CYP2C19: variants seen among roughly 807,000 people sequenced by gnomAD.
CYP2C19 encodes the protein cytochrome P450 family 2 subfamily C member 19.
In CYP2C19, 59 loss-of-function variants were observed where a neutral mutation model predicts 40.9. The ratio of observed to expected loss-of-function variants is 1.44; its 90% CI spans 1.17 to 1.79. The LOEUF is 1.79. CYP2C19 is among the 40% of genes most tolerant of loss of function. CYP2C19 has a pLI of 0.00. For missense variants in CYP2C19, 754 were observed against 596.9 expected (o/e 1.26, Z -2.74); for synonymous variants, 253 against 208.7 (o/e 1.21, Z -1.83).
chr10:94,840,873 G>A (rs1400156259), intron 6 of CYP2C19, among the ~76,000 whole-genome samples: 1 of 152,196 alleles, frequency 6.6e-6, no homozygotes, highest in Non-Finnish European at 1.5e-5. Context: ...CAGTCTGGTG[G>A]CCACGCTAAT....
chr10:94,770,634 G>T (rs1282488735), intron 1 of CYP2C19, among the ~76,000 whole-genome samples: 5 of 152,096 alleles, frequency 3.3e-5, no homozygotes, highest in Non-Finnish European at 5.9e-5. Context: ...TATCTTTTAG[G>T]ATCAATTGAC....
At chr10:94,780,717 T>C in intron 4 of CYP2C19, 58 bp downstream of exon 4, 2 of 1,587,228 alleles carry the variant, frequency 1.3e-6, no homozygotes, top group African/African-American at 1.3e-5. Flanking sequence ...TTCTGGGAAA[T>C]CCAAAATTCT....
chr10:94,849,602 G>T (rs1222124604), intron 7 of CYP2C19, among the ~76,000 whole-genome samples: 2 of 149,488 alleles, frequency 1.3e-5, no homozygotes, highest in African/African-American at 2.5e-5. Context: ...TTTAGCATTA[G>T]GTATATCTCC....
chr10:94,799,375 G>A (rs753991712), intron 5 of CYP2C19, among the ~76,000 whole-genome samples: 26 of 152,216 alleles, frequency 1.7e-4, no homozygotes, highest in South Asian at 2.1e-4. Flanking sequence ...GAGAGGCACT[G>A]TTAGTCTGAT....
chr10:94,807,408 C>G (rs1848850021), intron 5 of CYP2C19, among the ~76,000 whole-genome samples: 2 of 152,042 alleles, frequency 1.3e-5, no homozygotes, highest in African/African-American at 2.4e-5. Context: ...TGGTTATATA[C>G]CCAAGAATGG....
rs553306322 is a variant in CYP2C19, at chr10:94,792,535, G to T, written c.819+10538G>T. On this transcript the variant is annotated intron_variant, in intron 5 of 8. Transcript: ENST00000371321. The stretch of plus-strand genomic sequence containing the variant: ...TTTAGCACCTCCTGCAGGAGCTCTT[G>T]TAAGGCAGGCCTGGTGGTGACAAAA... Among the ~76,000 whole-genome samples, 4 of 152,210 alleles carry T rather than the reference G, an allele frequency of 2.6e-5. No individual in the cohort carries two copies. The East Asian group carries it at 7.7e-4, about 29-fold the overall frequency.
intron 5 of CYP2C19, among the ~76,000 whole-genome samples, chr10:94,785,727 G>A (rs1165179583): frequency 6.6e-6 from 1 of 151,962 alleles, no homozygotes; most frequent in African/African-American, 2.4e-5. Flanking sequence ...GCGTAAAATC[G>A]AGCTGCAGTC....
Position 94,825,942 on chromosome 10 carries a change from A to C in CYP2C19, c.961+5305A>C, listed in dbSNP as rs1316661268. On this transcript the variant is annotated intron_variant, in intron 6 of 8. Transcript: ENST00000371321. ...CCTTTCTCCATTGCTTGTTTTTCTCAGGTTTGTCAAAGATCAGATAGTTGT... is the reference window on the plus strand; with the variant it reads ...CCTTTCTCCATTGCTTGTTTTTCTCCGGTTTGTCAAAGATCAGATAGTTGT... 3.1e-3 allele frequency among the ~76,000 whole-genome samples: 464 copies of C among 151,446 alleles called. 2 individuals carry two copies. The highest frequency in any genetic ancestry group is 0.011 in the African/African-American group (441 of 41,362).
At chr10:94,777,489 A>G (rs1374692415) in intron 3 of CYP2C19, among the ~76,000 whole-genome samples, 2 of 152,176 alleles carry the variant, frequency 1.3e-5, no homozygotes, top group African/African-American at 4.8e-5. Context: ...GACCTCAGAA[A>G]TAATGCCACA....
chr10:94,817,165 C>T (rs1386616590), intron 5 of CYP2C19, among the ~76,000 whole-genome samples: 1 of 147,096 alleles, frequency 6.8e-6, no homozygotes, highest in African/African-American at 2.5e-5. Context: ...CTGACTTCCA[C>T]AATGGTTGAA....
At chr10:94,831,396 G>C (rs189520500) in intron 6 of CYP2C19, among the ~76,000 whole-genome samples, 7 of 152,320 alleles carry the variant, frequency 4.6e-5, no homozygotes. Context: ...TATATACCCA[G>C]TAGTAGGGTT....
At chr10:94,841,846 T>C (rs773071818) in intron 6 of CYP2C19, among the ~76,000 whole-genome samples, 36 of 152,212 alleles carry the variant, frequency 2.4e-4, no homozygotes, top group Non-Finnish European at 5.0e-4. Context: ...TACTTGGTGG[T>C]CAGAGAAGAT....
rs552950763 is a variant in CYP2C19, at chr10:94,783,618, T to TG, written c.819+1627dup. The stretch of plus-strand genomic sequence containing the variant: ...CTATAAATGTGTGAAGGGTTTTTTT[T>TG]GGGGGGCTCTCAATTCTACTCCATT... On this transcript the variant is annotated intron_variant, in intron 5 of 8. Transcript: ENST00000371321. Among the ~76,000 whole-genome samples the TG allele has an allele frequency of 2.8e-3, 429 of 152,186 alleles. 2 individuals are homozygous for TG. Among genetic ancestry groups the TG allele is most frequent in the African/African-American group, 9.8e-3 (409 of 41,558 alleles).
At chr10:94,787,767 T>G (rs1185646908) in intron 5 of CYP2C19, among the ~76,000 whole-genome samples, 2 of 152,134 alleles carry the variant, frequency 1.3e-5, no homozygotes, top group Non-Finnish European at 2.9e-5. Context: ...CCTGATTGAT[T>G]ATTTTTGTCA....
chr10:94,812,248 T>C (rs1232867777), intron 5 of CYP2C19, among the ~76,000 whole-genome samples: 4 of 152,214 alleles, frequency 2.6e-5, no homozygotes, highest in African/African-American at 9.7e-5. Flanking sequence ...AGATATGCTG[T>C]TAGTCTGACA....
chr10:94,814,250 C>T (rs990899638), intron 5 of CYP2C19, among the ~76,000 whole-genome samples: 4 of 151,886 alleles, frequency 2.6e-5, no homozygotes, highest in Admixed American at 6.6e-5. Context: ...CAGCCACCCT[C>T]CTGATTGAGT....
chr10:94,829,633 C>T (rs193084794), intron 6 of CYP2C19, among the ~76,000 whole-genome samples: 1 of 151,872 alleles, frequency 6.6e-6, no homozygotes, highest in Non-Finnish European at 1.5e-5. Flanking sequence ...ATTTGATCGT[C>T]TGAAGCCTTC....
chr10:94,776,296 A>G (rs1848407645), intron 3 of CYP2C19: 1 of 152,140 alleles, frequency 6.6e-6, no homozygotes, highest in Admixed American at 6.5e-5. Context: ...TTATTCCTTA[A>G]GTATAATTTG....
intron 5 of CYP2C19, among the ~76,000 whole-genome samples, chr10:94,795,915 T>C (rs967050616): frequency 2.0e-5 from 3 of 152,138 alleles, no homozygotes; most frequent in African/African-American, 7.2e-5. Flanking sequence ...GTCAGATGAG[T>C]AGATTGCAAA....
Sources: allele counts gnomAD v4.1 joint callset (sites outside exome capture counted in the v4.1 genomes callset), GRCh38; gene constraint gnomAD v4.1.1; transcripts MANE v1.5; gene names NCBI Gene and HGNC (gene_info 2026-07-23, HGNC 2026-07-21).